TNNI3K: variants seen among roughly 807,000 people sequenced by gnomAD.
The protein encoded by TNNI3K is serine/threonine-protein kinase TNNI3K.
In TNNI3K, 140 loss-of-function variants were observed where a neutral mutation model predicts 114.5. That is an observed-to-expected ratio of 1.22 (90% CI 1.07 to 1.41). The LOEUF (loss-of-function observed/expected upper bound fraction) is 1.41, where lower values mean the gene tolerates loss of function less well. Among genes scored for constraint, TNNI3K ranks in the 40% most tolerant of loss-of-function variants. The pLI is 0.00. For synonymous variants in TNNI3K, 347 were observed against 347.5 expected, an observed-to-expected ratio of 1.00 and a Z score of 0.02; for missense variants, 1,125 against 1,007.6, an observed-to-expected ratio of 1.12 and a Z score of -1.58.
chr1:74,531,737 T>G (rs982923784), intron 23 of TNNI3K, among the ~76,000 whole-genome samples: 1 of 152,224 alleles, frequency 6.6e-6, no homozygotes, highest in African/African-American at 2.4e-5. Flanking sequence ...TAAGTATTAT[T>G]GTATGTGTTT....
intron 5 of TNNI3K, among the ~76,000 whole-genome samples, chr1:74,310,909 A>G (rs1410838281): frequency 6.6e-6 from 1 of 152,128 alleles, no homozygotes; most frequent in African/African-American, 2.4e-5. Flanking sequence ...ACCTCGTTCT[A>G]TACAGAGGAT....
intron 5 of TNNI3K, among the ~76,000 whole-genome samples, chr1:74,325,981 G>T (rs1303626339): frequency 6.6e-6 from 1 of 152,106 alleles, no homozygotes; most frequent in Non-Finnish European, 1.5e-5. Flanking sequence ...CAGCTTCATT[G>T]TTCTTCTCTC....
At chr1:74,422,422 T>C (rs764149979) in intron 17 of TNNI3K, among the ~76,000 whole-genome samples, 1 of 152,146 alleles carries the variant, frequency 6.6e-6, no homozygotes, top group African/African-American at 2.4e-5. Flanking sequence ...AATTTCATCT[T>C]TATTAAAAAT....
At chr1:74,453,078 G>A (rs1201603193) in intron 20 of TNNI3K, among the ~76,000 whole-genome samples, 2 of 151,974 alleles carry the variant, frequency 1.3e-5, no homozygotes, top group South Asian at 2.1e-4. Flanking sequence ...TCACAGTTTT[G>A]TAATTTTCTC....
Position 74,393,104 on chromosome 1 carries a change from A to T in TNNI3K, c.1772+22712A>T, listed in dbSNP as rs139219519. ...GAAAGCAGTGTGCTGAGAGGAGTGA[A>T]GGTATAGGTGAAAGGCAGCGGGCAC... On this transcript the variant is annotated intron_variant, in intron 17 of 24. Transcript: ENST00000326637. Among the ~76,000 whole-genome samples, 119 of 152,300 alleles carry T rather than the reference A, an allele frequency of 7.8e-4. 1 individual carries two copies. The highest frequency in any genetic ancestry group is 3.4e-3 in the Admixed American group (52 of 15,306).
chr1:74,383,547 A>G (rs1663313738), intron 17 of TNNI3K, among the ~76,000 whole-genome samples: 1 of 152,066 alleles, frequency 6.6e-6, no homozygotes, highest in Non-Finnish European at 1.5e-5. Flanking sequence ...CCCACAGCAC[A>G]TCAGACTCTT....
At chr1:74,272,523 C>T (rs1000007403) in intron 5 of TNNI3K, among the ~76,000 whole-genome samples, 6 of 151,524 alleles carry the variant, frequency 4.0e-5, no homozygotes, top group African/African-American at 1.5e-4. Context: ...CTTGCAAGGA[C>T]CCTGAGGCCT....
rs1668125578 is a variant in TNNI3K, at chr1:74,475,116, C to CACA, written c.2121+11566_2121+11567insACA. On this transcript the variant is annotated intron_variant, in intron 21 of 24. Coordinates refer to ENST00000326637, the MANE Select transcript of TNNI3K (RefSeq NM_015978.3). Reference sequence around the variant, plus strand: ...AAGAACACTTCATCTCCACCTCAGCCCACACACACACACACACACACACAC... The same window carrying CACA: ...AAGAACACTTCATCTCCACCTCAGCCACACACACACACACACACACACACACAC... Among the ~76,000 whole-genome samples the CACA allele has an allele frequency of 7.9e-4, 108 of 135,992 alleles. 2 individuals are homozygous for CACA. In the Middle Eastern group the frequency reaches 0.011, roughly 14 times the overall value. 89.2% of individuals were successfully genotyped at this position (135,992 alleles called of 152,430 possible). A position where few individuals can be genotyped will look rare whatever the true frequency, so the allele number is the denominator to read the frequency against.
At chr1:74,403,796 A>G (rs548551267) in intron 17 of TNNI3K, among the ~76,000 whole-genome samples, 2 of 152,312 alleles carry the variant, frequency 1.3e-5, no homozygotes, top group Admixed American at 1.3e-4. Context: ...ATAGTTAATG[A>G]GAAACATAGT....
chr1:74,425,153 C>T (rs1665576429), intron 17 of TNNI3K, among the ~76,000 whole-genome samples: 1 of 151,948 alleles, frequency 6.6e-6, no homozygotes, highest in African/African-American at 2.4e-5. Flanking sequence ...GGCAGAAGGG[C>T]CTGGCTTAGG....
intron 21 of TNNI3K, among the ~76,000 whole-genome samples, chr1:74,466,784 A>G (rs1316047783): frequency 6.6e-6 from 1 of 152,128 alleles, no homozygotes; most frequent in Non-Finnish European, 1.5e-5. Context: ...AAGAAAAGGG[A>G]ACAGTGGGCT....
intron 17 of TNNI3K, among the ~76,000 whole-genome samples, chr1:74,387,408 G>A (rs1238676554): frequency 6.6e-6 from 1 of 152,172 alleles, no homozygotes; most frequent in Non-Finnish European, 1.5e-5. Flanking sequence ...TGTATAATCA[G>A]CAAGAATACA....
chr1:74,537,567 T>A (rs1646674981), intron 23 of TNNI3K, among the ~76,000 whole-genome samples: 1 of 152,226 alleles, frequency 6.6e-6, no homozygotes, highest in South Asian at 2.1e-4. Flanking sequence ...AATTTAATTT[T>A]ATTTAATTTA....
intron 11 of TNNI3K, among the ~76,000 whole-genome samples, chr1:74,359,280 C>T (rs890119721): frequency 6.6e-6 from 1 of 152,020 alleles, no homozygotes; most frequent in Admixed American, 6.6e-5. Flanking sequence ...AAGTGCTTGG[C>T]ACATAACAGA....
intron 21 of TNNI3K, among the ~76,000 whole-genome samples, chr1:74,477,533 G>GA (rs1668265250): frequency 1.3e-5 from 2 of 152,100 alleles, no homozygotes; most frequent in African/African-American, 4.8e-5. Flanking sequence ...GCAGTTAGTA[G>GA]ACCAAATAAT....
intron 9 of TNNI3K, among the ~76,000 whole-genome samples, chr1:74,344,557 T>G (rs1183564610): frequency 1.3e-5 from 2 of 152,176 alleles, no homozygotes; most frequent in African/African-American, 2.4e-5. Context: ...GTGGAATCTG[T>G]CCCTGCAGGG....
intron 5 of TNNI3K, among the ~76,000 whole-genome samples, chr1:74,303,814 C>T (rs1446453327): frequency 6.6e-6 from 1 of 152,160 alleles, no homozygotes; most frequent in East Asian, 1.9e-4. Flanking sequence ...ATTTGCCATT[C>T]ATGGGAGGAG....
intron 6 of TNNI3K, among the ~76,000 whole-genome samples, chr1:74,334,994 T>A (rs1660393869): frequency 6.6e-6 from 1 of 152,090 alleles, no homozygotes; most frequent in South Asian, 2.1e-4. Context: ...TTAAAAAACG[T>A]TTTCAAAGCT....
chr1:74,284,045 C>G (rs951499299), intron 5 of TNNI3K, among the ~76,000 whole-genome samples: 2 of 152,134 alleles, frequency 1.3e-5, no homozygotes, highest in Non-Finnish European at 2.9e-5. Context: ...AACCTCTGAG[C>G]TCACTATGTC....
Sources: gnomAD v4.1 joint callset for allele counts (sites outside exome capture counted in the v4.1 genomes callset) on GRCh38, gnomAD v4.1.1 for gene constraint, MANE v1.5 for transcripts, NCBI Gene and HGNC (gene_info 2026-07-23, HGNC 2026-07-21) for gene names.